EDAR: variants seen among roughly 807,000 people sequenced by gnomAD.
The protein encoded by EDAR is ectodysplasin A receptor, also known as tumor necrosis factor receptor superfamily member EDAR.
In EDAR, 38 loss-of-function variants were observed where a neutral mutation model predicts 51.3. That is an observed-to-expected ratio of 0.74 (90% confidence interval 0.57 to 0.97). The LOEUF is 0.97. Among genes scored for constraint, EDAR ranks in the 50% least tolerant of loss-of-function variants. The pLI, the probability that EDAR is intolerant of heterozygous loss-of-function variation, is 0.00. For missense variants in EDAR, 528 were observed against 595.0 expected (o/e 0.89, Z 1.17); for synonymous variants, 227 against 242.1 (o/e 0.94, Z 0.58).
chr2:108,919,841 C>T (rs537082547), intron 5 of EDAR, among the ~76,000 whole-genome samples: 15 of 152,322 alleles, frequency 9.8e-5, no homozygotes, highest in Non-Finnish European at 1.5e-4. Flanking sequence ...CAGTGGCTCC[C>T]GGCACCCTGA....
At chr2:108,973,101 G>A (rs894399399) in intron 1 of EDAR, among the ~76,000 whole-genome samples, 2 of 151,934 alleles carry the variant, frequency 1.3e-5, no homozygotes, top group East Asian at 1.9e-4. Flanking sequence ...CCTCTCATGC[G>A]TCAGCCTCCC....
In EDAR at chr2:108,912,573, G is replaced by A. The variant is rs1034268752; in HGVS notation, c.529+105C>T. On this transcript the variant is annotated intron_variant, in intron 6 of 11. Transcript: ENST00000258443. The stretch of plus-strand genomic sequence containing the variant: ...CATTAGGGAGGTGAGGCCAGGTGGG[G>A]AAGCGCACCATAATCATCACTCATG... The A allele has an allele frequency of 7.3e-5, 81 of 1,108,814 alleles. No homozygotes were observed. In the Middle Eastern group the frequency reaches 2.9e-3, roughly 40 times the overall value. 68.7% of individuals were successfully genotyped at this position (1,108,814 alleles called of 1,614,324 possible).
chr2:108,953,461 G>C (rs191151992), intron 1 of EDAR, among the ~76,000 whole-genome samples: 1 of 152,156 alleles, frequency 6.6e-6, no homozygotes, highest in Non-Finnish European at 1.5e-5. Flanking sequence ...CCTCACTACA[G>C]TCTACAAATT....
Position 108,895,172 on chromosome 2 carries a change from T to G in EDAR, c.*1735A>C, listed in dbSNP as rs1229010868. 1 of 152,630 alleles carries G rather than the reference T, an allele frequency of 6.6e-6. No individual in the cohort carries two copies. The highest frequency in any genetic ancestry group is 1.5e-5 in the Non-Finnish European group (1 of 68,040). The allele number at this position is 152,630 out of a possible 1,614,324, so 9.5% of individuals were successfully genotyped here. ...AAACAGACACAGTAAATGATGATAT[T>G]AAATATTCAGGACCTCATTATGATC... is the stretch of plus-strand genomic sequence containing the variant. On this transcript the variant is annotated 3_prime_UTR_variant, in exon 12 of 12. Transcript: ENST00000258443.
At chr2:108,899,879 G>A (rs139614624) in intron 11 of EDAR, among the ~76,000 whole-genome samples, 3 of 152,082 alleles carry the variant, frequency 2.0e-5, no homozygotes, top group South Asian at 2.1e-4. Context: ...CCAGCTACTC[G>A]GGAGGCTGAG....
At chr2:108,953,614 C>G (rs1372679943) in intron 1 of EDAR, among the ~76,000 whole-genome samples, 1 of 151,992 alleles carries the variant, frequency 6.6e-6, no homozygotes, top group African/African-American at 2.4e-5. Flanking sequence ...TTTTGGTAGA[C>G]CAGGACACAA....
chr2:108,939,190 G>GTTA (rs1697540081), intron 1 of EDAR, among the ~76,000 whole-genome samples: 1 of 151,674 alleles, frequency 6.6e-6, no homozygotes. Flanking sequence ...TGTTGTTGTT[G>GTTA]TTTTTGAGAT....
intron 1 of EDAR, among the ~76,000 whole-genome samples, chr2:108,979,610 G>C (rs1157351779): frequency 6.6e-6 from 1 of 152,128 alleles, no homozygotes; most frequent in Non-Finnish European, 1.5e-5. Flanking sequence ...ATGCTGCTGA[G>C]GTGCAGGGCT....
At chr2:108,916,248 C>T (rs558064919) in intron 5 of EDAR, among the ~76,000 whole-genome samples, 36 of 152,190 alleles carry the variant, frequency 2.4e-4, no homozygotes, top group Non-Finnish European at 4.6e-4. Flanking sequence ...ACTGTCAGAG[C>T]AAAAGAACAG....
chr2:108,910,941 C>G lies in EDAR; in HGVS notation c.655+6G>C. On this transcript the variant is annotated splice_donor_region_variant and intron_variant, in intron 7 of 11. Transcript: ENST00000258443. ...AAGCAGGGCACCGGCGCATGGGGGC[C>G]GTCACCTGGGGCAGAGGGCTTTGTC... 1 of 1,614,058 alleles carries G rather than the reference C, an allele frequency of 6.2e-7. No homozygotes were observed. Among genetic ancestry groups the G allele is most frequent in the Non-Finnish European group, 8.5e-7 (1 of 1,179,992 alleles).
chr2:108,945,226 A>G (rs963198966), intron 1 of EDAR, among the ~76,000 whole-genome samples: 47 of 152,222 alleles, frequency 3.1e-4, no homozygotes, highest in African/African-American at 1.1e-3. Context: ...GGGGCACTGT[A>G]TATTCCAGGG....
rs750037532 is a variant in EDAR at position 108,912,815 on chromosome 2, A to T, written c.443-51T>A. ...ATGATCCAGAGAAGCTCCACCTTCA[A>T]AGACGCTGCCACAGAGCTCATGGAT... On this transcript the variant is annotated intron_variant, in intron 5 of 11. Coordinates refer to ENST00000258443, the MANE Select transcript of EDAR (RefSeq NM_022336.4). The T allele has an allele frequency of 4.8e-6, 7 of 1,454,194 alleles. No individual in the cohort carries two copies. In the South Asian group the frequency reaches 8.5e-5, roughly 18 times the overall value. The allele number at this position is 1,454,194 out of a possible 1,614,324, so 90.1% of individuals were successfully genotyped here.
chr2:108,964,728 C>G (rs955003568), intron 1 of EDAR, among the ~76,000 whole-genome samples: 1 of 152,180 alleles, frequency 6.6e-6, no homozygotes, highest in Admixed American at 6.5e-5. Flanking sequence ...CTCTCCGTTA[C>G]GCCACACTCA....
intron 1 of EDAR, among the ~76,000 whole-genome samples, chr2:108,979,422 G>GTC (rs367972961): frequency 2.3e-5 from 1 of 43,228 alleles, no homozygotes; most frequent in African/African-American, 4.5e-5. Context: ...TTTGGTTGCT[G>GTC]TCTCTCTCTC....
At chr2:108,972,017 C>T (rs1027896863) in intron 1 of EDAR, among the ~76,000 whole-genome samples, 1 of 152,198 alleles carries the variant, frequency 6.6e-6, no homozygotes, top group South Asian at 2.1e-4. Context: ...CTTGCGAGGC[C>T]TCTGGATGTG....
At chr2:108,908,742 T>C (rs148779455) in intron 9 of EDAR, among the ~76,000 whole-genome samples, 65 of 152,362 alleles carry the variant, frequency 4.3e-4, no homozygotes, top group African/African-American at 1.5e-3. Context: ...ATATTCTTTT[T>C]TAGAGGCATC....
chr2:108,978,590 A>G (rs1303798857), intron 1 of EDAR, among the ~76,000 whole-genome samples: 1 of 152,148 alleles, frequency 6.6e-6, no homozygotes, highest in Non-Finnish European at 1.5e-5. Flanking sequence ...TTTCTTGTTT[A>G]ACAGTGATTT....
chr2:108,902,362 C>T (rs990918941), intron 11 of EDAR, among the ~76,000 whole-genome samples: 6 of 152,008 alleles, frequency 3.9e-5, no homozygotes, highest in African/African-American at 1.5e-4. Flanking sequence ...GGTGACATAG[C>T]GAGACTCCAT....
chr2:108,980,996 G>A (rs1698410050), intron 1 of EDAR, among the ~76,000 whole-genome samples: 1 of 152,082 alleles, frequency 6.6e-6, no homozygotes, highest in Non-Finnish European at 1.5e-5. Context: ...ATGACTGCCA[G>A]GCAGAGGTTG....
Sources: allele counts gnomAD v4.1 joint callset (sites outside exome capture counted in the v4.1 genomes callset), GRCh38; gene constraint gnomAD v4.1.1; transcripts MANE v1.5; gene names NCBI Gene and HGNC (gene_info 2026-07-23, HGNC 2026-07-21).